MS4A8: variants seen among roughly 807,000 people sequenced by gnomAD.
MS4A8 encodes the protein membrane spanning 4-domains A8.
In MS4A8, 27 loss-of-function variants were observed where a neutral mutation model predicts 23.7. The observed-to-expected ratio is 1.14, with a 90% CI of 0.84 to 1.57. The LOEUF is 1.57. Among genes scored for constraint, MS4A8 ranks in the 40% most tolerant of loss-of-function variants. The pLI is 0.00. For synonymous variants in MS4A8, 138 were observed against 126.3 expected, an observed-to-expected ratio of 1.09 and a Z score of -0.62; for missense variants, 301 against 311.4, an observed-to-expected ratio of 0.97 and a Z score of 0.25.
chr11:60,703,141 T>C, intron 2 of MS4A8: 1 of 341,596 alleles, frequency 2.9e-6, no homozygotes, highest in Non-Finnish European at 5.2e-6. Flanking sequence ...CAGGGGGCCA[T>C]GTTGTGCTAT....
intron 5 of MS4A8, among the ~76,000 whole-genome samples, chr11:60,711,637 G>A (rs1020901079): frequency 6.6e-6 from 1 of 152,142 alleles, no homozygotes; most frequent in Admixed American, 6.5e-5. Flanking sequence ...TTTTCCTGCT[G>A]GGAAAGAACC....
chr11:60,702,617 G>A (rs376130800), intron 2 of MS4A8, among the ~76,000 whole-genome samples: 1 of 152,294 alleles, frequency 6.6e-6, no homozygotes, highest in South Asian at 2.1e-4. Flanking sequence ...GGCCAGGCTG[G>A]TCTTGAACTC....
intron 5 of MS4A8, 126 bp from the exon 6 acceptor site, chr11:60,714,895 C>A (rs1286701435): frequency 1.5e-6 from 1 of 679,634 alleles, no homozygotes; most frequent in Non-Finnish European, 2.7e-6. Context: ...AATTTCCCCC[C>A]ACGAGGCTGA....
At chr11:60,705,313 G>A (rs991264353) in intron 3 of MS4A8, among the ~76,000 whole-genome samples, 3 of 152,190 alleles carry the variant, frequency 2.0e-5, no homozygotes, top group East Asian at 1.9e-4. Flanking sequence ...TGCCTACCAC[G>A]GAGCACTGGA....
chr11:60,703,374 ACAGGCCATC>A lies in MS4A8; in HGVS notation c.220_228del (p.Ala74_Gln76del). 6.4e-7 allele frequency: 1 copy of A among 1,554,588 alleles called. No homozygotes were observed. The highest frequency in any genetic ancestry group is 1.2e-5 in the South Asian group (1 of 82,846). ...AAGACTTCAGCTTGTGGCTCTCCTG[ACAGGCCATC>A]CAGATCATCATTGGCCTGGCTCACA... On this transcript the variant is annotated splice_acceptor_variant and splice_polypyrimidine_tract_variant and coding_sequence_variant and intron_variant, in exon 3 of 7. Coordinates refer to ENST00000300226, the MANE Select transcript of MS4A8 (RefSeq NM_031457.2). LOFTEE classifies it high-confidence loss of function.
intron 1 of MS4A8, 48 bp downstream of exon 1, chr11:60,699,823 G>A (rs574950437): frequency 6.6e-6 from 1 of 152,512 alleles, no homozygotes; most frequent in Non-Finnish European, 1.5e-5. Flanking sequence ...TGGTGATAAG[G>A]TTTTTCTACC....
chr11:60,708,946 GCA>G, intron 5 of MS4A8, 165 bp downstream of exon 5: 2 of 712,894 alleles, frequency 2.8e-6, no homozygotes, highest in Non-Finnish European at 4.6e-6. Context: ...ATAGCTTTAA[GCA>G]CATGACCTTT....
chr11:60,703,599 C>A (rs2088225869), intron 3 of MS4A8, 99 bp downstream of exon 3: 2 of 1,395,380 alleles, frequency 1.4e-6, no homozygotes, highest in Non-Finnish European at 2.0e-6. Flanking sequence ...GCAGAAGGTT[C>A]CCAGCCACCC....
intron 3 of MS4A8, 117 bp from the exon 4 acceptor site, chr11:60,706,871 A>C: frequency 2.4e-6 from 2 of 835,478 alleles, no homozygotes; most frequent in South Asian, 1.5e-5. Context: ...TCTGTTGCCC[A>C]TGTTGAGCTG....
intron 5 of MS4A8, among the ~76,000 whole-genome samples, chr11:60,714,762 G>A (rs1009510551): frequency 6.6e-6 from 1 of 152,178 alleles, no homozygotes; most frequent in Non-Finnish European, 1.5e-5. Context: ...CACACCCAAA[G>A]CAACCTATCA....
At chr11:60,705,563 G>A (rs1001303908) in intron 3 of MS4A8, among the ~76,000 whole-genome samples, 7 of 152,228 alleles carry the variant, frequency 4.6e-5, no homozygotes, top group African/African-American at 1.7e-4. Flanking sequence ...ACCTCAGAAG[G>A]ACTGAGAGGG....
intron 5 of MS4A8, 42 bp from the exon 6 acceptor site, chr11:60,714,979 C>G (rs1426379352): frequency 7.0e-7 from 1 of 1,433,428 alleles, no homozygotes. Context: ...GTTCGGACTC[C>G]CAGTCCCGTG....
In MS4A8 at chr11:60,701,017, T is replaced by C. The variant is rs1187391045; in HGVS notation, c.157T>C (p.Leu53=). The C allele has an allele frequency of 1.2e-5, 20 of 1,614,104 alleles. No individual in the cohort carries two copies. Among genetic ancestry groups the C allele is most frequent in the Admixed American group, 1.7e-5 (1 of 60,016 alleles). ...CCTAGTTCCTGGGAACCCACCTAGT[T>C]TGGTGTCGAATGTGAATGGGCAGCC... ...VHLVPGNPPS[L]VSNVNGQPVQ... is the part of the protein sequence containing the mutation. The change falls in exon 2 of 7, where the codon TTG becomes CTG. Residue 53 remains leucine (L), a synonymous_variant. Coordinates refer to ENST00000300226, the MANE Select transcript of MS4A8 (RefSeq NM_031457.2).
At chr11:60,714,879 G>A (rs926786395) in intron 5 of MS4A8, 142 bp from the exon 6 acceptor site, 6 of 645,452 alleles carry the variant, frequency 9.3e-6, no homozygotes, top group Admixed American at 7.4e-5. Flanking sequence ...CAAAAACCCG[G>A]TGGGAAATTT....
chr11:60,701,471 C>T, intron 2 of MS4A8: 1 of 370,272 alleles, frequency 2.7e-6, no homozygotes, highest in Non-Finnish European at 5.3e-6. Context: ...GGAAACAAAG[C>T]AGGTTAGGCA....
intron 5 of MS4A8, 39 bp from the exon 6 acceptor site, chr11:60,714,982 G>T (rs2088330368): frequency 1.4e-6 from 2 of 1,465,264 alleles, no homozygotes; most frequent in Non-Finnish European, 1.9e-6. Flanking sequence ...CGGACTCCCA[G>T]TCCCGTGCTC....
chr11:60,708,231 G>A (rs1050897604), intron 4 of MS4A8, among the ~76,000 whole-genome samples: 1 of 152,088 alleles, frequency 6.6e-6, no homozygotes, highest in Non-Finnish European at 1.5e-5. Context: ...TCTATGTATT[G>A]TTTCCTCTCT....
chr11:60,713,011 T>A (rs2088312783), intron 5 of MS4A8, among the ~76,000 whole-genome samples: 1 of 152,114 alleles, frequency 6.6e-6, no homozygotes, highest in Non-Finnish European at 1.5e-5. Context: ...AATGGAGGGT[T>A]TCTATTTCTC....
At chr11:60,714,658 G>A (rs1395005203) in intron 5 of MS4A8, among the ~76,000 whole-genome samples, 1 of 151,834 alleles carries the variant, frequency 6.6e-6, no homozygotes, top group African/African-American at 2.4e-5. Flanking sequence ...TGTTCTCTCT[G>A]TGTCTTGTCC....
Sources: gnomAD v4.1 joint callset for allele counts (sites outside exome capture counted in the v4.1 genomes callset) on GRCh38, gnomAD v4.1.1 for gene constraint, MANE v1.5 for transcripts, NCBI Gene and HGNC (gene_info 2026-07-23, HGNC 2026-07-21) for gene names.